The following DYNC1H1 variants were observed in gnomAD, a reference collection of about 807,000 sequenced individuals.
The protein encoded by DYNC1H1 is cytoplasmic dynein 1 heavy chain 1.
A neutral mutation model predicts 527.1 loss-of-function variants in DYNC1H1; 51 were observed. The ratio of observed to expected loss-of-function variants is 0.10; its 90% confidence interval spans 0.08 to 0.12. DYNC1H1 has a LOEUF of 0.12. Ranked by LOEUF, DYNC1H1 falls within the 10% of genes least tolerant of loss-of-function variation. The pLI, the probability that DYNC1H1 is intolerant of heterozygous loss-of-function variation, is 1.00. For synonymous variants in DYNC1H1, 2,189 were observed against 2,278.8 expected (o/e 0.96, Z 1.12); for missense variants, 2,771 against 5,971.8 (o/e 0.46, Z 17.66).
chr14:101,984,401 ATGTGTGTGTG>A (rs34162363), intron 7 of DYNC1H1, among the ~76,000 whole-genome samples: 2,258 of 102,282 alleles, frequency 0.022, 72 homozygotes, highest in African/African-American at 0.072. Context: ...ATGCGTATAT[ATGTGTGTGTG>A]TGTGTGTGTG....
At position 102,004,762 on chromosome 14, in the gene DYNC1H1, G is replaced by T; in HGVS notation, c.5050G>T (p.Val1684Phe). Residue 1684 changes from valine (V) to phenylalanine (F), a missense_variant and splice_region_variant, in exon 25 of 78, where the codon GTT becomes TTT. This residue lies in a region of DYNC1H1 where 105 missense variants were observed against 138.1 expected (regional missense o/e 0.76). Coordinates refer to ENST00000360184, the MANE Select transcript of DYNC1H1 (RefSeq NM_001376.5). ...TTTCTTAAAATTGTATTTATTTCAG[G>T]TTATGTTTAAAACTCCTGTGTCAAT... is the stretch of plus-strand genomic sequence containing the variant. ...LGISSREGEE[V>F]MFKTPVSITE... 1 of 1,614,082 alleles carries T rather than the reference G, an allele frequency of 6.2e-7. No homozygotes were observed. Among genetic ancestry groups the T allele is most frequent in the Non-Finnish European group, 8.5e-7 (1 of 1,180,006 alleles).
chr14:102,023,775 G>A, intron 43 of DYNC1H1: 1 of 152,382 alleles, frequency 6.6e-6, no homozygotes, highest in East Asian at 1.9e-4. Context: ...CCGGGAGACA[G>A]AGGTTGCAGT....
intron 16 of DYNC1H1, 111 bp from the exon 17 acceptor site, chr14:101,999,878 G>T: frequency 2.0e-6 from 3 of 1,486,840 alleles, no homozygotes; most frequent in African/African-American, 1.4e-5. Flanking sequence ...TGTGTGCAAA[G>T]AATCCGAAAC....
chr14:101,967,669 A>G (rs540806851), intron 1 of DYNC1H1, among the ~76,000 whole-genome samples: 26 of 152,174 alleles, frequency 1.7e-4, no homozygotes, highest in African/African-American at 5.8e-4. Flanking sequence ...GCAAGACCCT[A>G]TCTCTACAGA....
chr14:101,972,699 A>G (rs1035666113), intron 1 of DYNC1H1, among the ~76,000 whole-genome samples: 2 of 152,226 alleles, frequency 1.3e-5, no homozygotes, highest in African/African-American at 4.8e-5. Context: ...ATTTGTATCA[A>G]TGATGACTCT....
chr14:102,033,687 T>G lies in DYNC1H1; in HGVS notation c.10413+203T>G. On this transcript the variant is annotated intron_variant, in intron 54 of 77. Transcript: ENST00000360184. This position sits in a 1 kb window ranked among gnomAD's most constrained non-coding sequence, Gnocchi z 5.6. ...TTAATTAGGATAGATTGATACAAACTGGACACTTTTCAGCCGTTGAATCCC... is the reference window on the plus strand; with the variant it reads ...TTAATTAGGATAGATTGATACAAACGGGACACTTTTCAGCCGTTGAATCCC... 2.7e-6 allele frequency: 2 copies of G among 745,626 alleles called. No homozygotes were observed. The highest frequency in any genetic ancestry group is 5.4e-5 in the East Asian group (2 of 37,140). 46.2% of individuals were successfully genotyped at this position (745,626 alleles called of 1,614,324 possible). A position where few individuals can be genotyped will look rare whatever the true frequency, so the allele number is the denominator to read the frequency against.
At position 102,054,258 on chromosome 14, in the gene DYNC1H1, G is replaced by C. The variant is rs926219418; in HGVS notation, c.*3695G>C. The C allele has an allele frequency of 2.0e-5, 3 of 152,342 alleles. No individual in the cohort carries two copies. The highest frequency in any genetic ancestry group is 7.2e-5 in the African/African-American group (3 of 41,434). The allele number at this position is 152,342 out of a possible 1,614,324, so 9.4% of individuals were successfully genotyped here. A position where few individuals can be genotyped will look rare whatever the true frequency, so the allele number is the denominator to read the frequency against. On this transcript the variant is annotated 3_prime_UTR_variant, in exon 78 of 78. Coordinates refer to ENST00000360184, the MANE Select transcript of DYNC1H1 (RefSeq NM_001376.5). Reference sequence around the variant, plus strand: ...CTCAACAGCTCTTCCAAAGGGCAAGGCAGCATTTTCCTGGTGAGGGGCAAG... The same window carrying C: ...CTCAACAGCTCTTCCAAAGGGCAAGCCAGCATTTTCCTGGTGAGGGGCAAG...
chr14:102,043,758 TGCC>T, intron 69 of DYNC1H1, 114 bp from the exon 70 acceptor site: 1 of 1,430,412 alleles, frequency 7.0e-7, no homozygotes, highest in African/African-American at 1.4e-5. Context: ...GTGAATCTGC[TGCC>T]ATCGTCAGGA....
Position 102,033,609 on chromosome 14 carries a change from C to G in DYNC1H1, c.10413+125C>G, listed in dbSNP as rs1379515875. On this transcript the variant is annotated intron_variant, in intron 54 of 77. Coordinates refer to ENST00000360184, the MANE Select transcript of DYNC1H1 (RefSeq NM_001376.5). The surrounding 1 kb of genome is among the most constrained non-coding windows in gnomAD (Gnocchi z 5.6). ...TCGCTCTTTAACATCTGTAAGGCCC[C>G]GGAGGACTTTTTTCCTGGAAAATAA... 1 of 1,283,882 alleles carries G rather than the reference C, an allele frequency of 7.8e-7. No homozygotes were observed. The highest frequency in any genetic ancestry group is 1.1e-6 in the Non-Finnish European group (1 of 915,180). 79.5% of individuals were successfully genotyped at this position (1,283,882 alleles called of 1,614,324 possible).
At position 102,020,492 on chromosome 14, in the gene DYNC1H1, C is replaced by T. The variant is rs1204332593; in HGVS notation, c.8507+436C>T. On this transcript the variant is annotated intron_variant, in intron 42 of 77. Coordinates refer to ENST00000360184, the MANE Select transcript of DYNC1H1 (RefSeq NM_001376.5). The surrounding 1 kb of genome is among the most constrained non-coding windows in gnomAD (Gnocchi z 4.3). Reference sequence around the variant, plus strand: ...GTTAAAAGGTCTCCCAACAACTGCCCAGTGTGCGTGTTCCGTAACCACCAC... The same window carrying T: ...GTTAAAAGGTCTCCCAACAACTGCCTAGTGTGCGTGTTCCGTAACCACCAC... Among the ~76,000 whole-genome samples, 1 of 152,172 alleles carries T rather than the reference C, an allele frequency of 6.6e-6. No individual in the cohort carries two copies. Among genetic ancestry groups the T allele is most frequent in the African/African-American group, 2.4e-5 (1 of 41,428 alleles).
At chr14:102,048,826 A>AGGGGG in intron 74 of DYNC1H1, 157 bp downstream of exon 74, 1 of 140,004 alleles carries the variant, frequency 7.1e-6, no homozygotes, top group South Asian at 6.1e-5. Context: ...GGGCGGGGGG[A>AGGGGG]GGGGAGGAGC....
intron 10 of DYNC1H1, among the ~76,000 whole-genome samples, chr14:101,989,305 C>T (rs974253283): frequency 2.6e-5 from 4 of 152,202 alleles, no homozygotes; most frequent in Non-Finnish European, 5.9e-5. Flanking sequence ...AGTGTTCAGA[C>T]CATGACATTG....
At chr14:102,046,707 C>A (rs34509705) in intron 72 of DYNC1H1, among the ~76,000 whole-genome samples, 3 of 152,066 alleles carry the variant, frequency 2.0e-5, no homozygotes, top group Non-Finnish European at 4.4e-5. Context: ...GGCTGAAAGC[C>A]GGCCGGGGCT....
chr14:102,027,275 T>C lies in DYNC1H1; in HGVS notation c.8873T>C (p.Val2958Ala), dbSNP rs1555410902. The change falls in exon 45 of 78, where the codon GTG becomes GCG. Residue 2958 changes from valine to alanine, a missense_variant. Coordinates refer to ENST00000360184, the MANE Select transcript of DYNC1H1 (RefSeq NM_001376.5). The surrounding 1 kb of genome is among the most constrained non-coding windows in gnomAD (Gnocchi z 7.7). ...GTCGCCTGGATGAACGGTTTGAGTG[T>C]GTACCAGATTAAGGTGCGTCTGGTC... Reference protein sequence around the residue: ...RFVAWMNGLSVYQIKVHRKYT... With the variant: ...RFVAWMNGLSAYQIKVHRKYT... The C allele has an allele frequency of 6.2e-7, 1 of 1,614,148 alleles. No homozygotes were observed. Among genetic ancestry groups the C allele is most frequent in the Non-Finnish European group, 8.5e-7 (1 of 1,180,036 alleles).
At chr14:102,006,264 A>C in intron 27 of DYNC1H1, 94 bp downstream of exon 27, 2 of 1,560,448 alleles carry the variant, frequency 1.3e-6, no homozygotes, top group South Asian at 2.3e-5. Flanking sequence ...TTTGAGATGG[A>C]GTGTCTGTCG....
rs1245349781 is a variant in DYNC1H1, at chr14:102,054,791, A to T, written c.*4228A>T. On this transcript the variant is annotated 3_prime_UTR_variant, in exon 78 of 78. Transcript: ENST00000360184. ...GCCATGTTGCCCAGGCTGGTCTCGA[A>T]CTCCTGACCTCAGGTGATCTGCCCA... 6.7e-6 allele frequency: 1 copy of T among 149,756 alleles called. No homozygotes were observed. The highest frequency in any genetic ancestry group is 1.5e-5 in the Non-Finnish European group (1 of 67,534). The allele number at this position is 149,756 out of a possible 1,614,324, so 9.3% of individuals were successfully genotyped here.
In DYNC1H1 at chr14:102,006,068, T is replaced by A; in HGVS notation, c.5614T>A (p.Tyr1872Asn). 1 of 1,614,244 alleles carries A rather than the reference T, an allele frequency of 6.2e-7. No individual in the cohort carries two copies. Residue 1872 changes from tyrosine (Y) to asparagine (N), a missense_variant, in exon 27 of 78, where the codon TAC becomes AAC. Tyr to Asn is a moderately radical substitution (Grantham distance 143). Around this residue, in one of 32 missense-constraint regions of DYNC1H1, gnomAD observed 64 missense variants for 143.4 expected, o/e 0.45. Transcript: ENST00000360184. The stretch of plus-strand genomic sequence containing the variant: ...TGCCAAATTTAACTATGGCTTTGAG[T>A]ACCTGGGTGTTCAGGACAAACTGGT... ...ANAKFNYGFE[Y>N]LGVQDKLVQT...
chr14:101,986,013 C>T lies in DYNC1H1; in HGVS notation c.1788C>T (p.His596=). ...TTAATGCACTGTTTGTCAGGCCTCA[C>T]ATCCGTGGGGCCATTCGCGAATACC... The part of the protein sequence containing the change: ...SRFNALFVRP[H]IRGAIREYQT... The change falls in exon 8 of 78, where the codon CAC becomes CAT. Residue 596 remains histidine (H), a synonymous_variant. Coordinates refer to ENST00000360184, the MANE Select transcript of DYNC1H1 (RefSeq NM_001376.5). The surrounding 1 kb of genome is among the most constrained non-coding windows in gnomAD (Gnocchi z 8.7). 6.2e-7 allele frequency: 1 copy of T among 1,614,212 alleles called. No individual in the cohort carries two copies. The highest frequency in any genetic ancestry group is 1.1e-5 in the South Asian group (1 of 91,084).
intron 10 of DYNC1H1, 84 bp from the exon 11 acceptor site, chr14:101,991,443 C>A: frequency 8.5e-6 from 13 of 1,536,110 alleles, no homozygotes; most frequent in Non-Finnish European, 1.2e-5. Flanking sequence ...GCAGCCTGGG[C>A]AGTAAGAGTG....
Sources: allele counts gnomAD v4.1 joint callset (sites outside exome capture counted in the v4.1 genomes callset), GRCh38; gene constraint gnomAD v4.1.1; regional missense constraint gnomAD v4.1.1; non-coding constraint Gnocchi (gnomAD v3.1); transcripts MANE v1.5; gene names NCBI Gene and HGNC (gene_info 2026-07-23, HGNC 2026-07-21).